Variants in NXPH1 observed in about 807,000 individuals in gnomAD.
NXPH1 encodes the protein neurexophilin 1.
Under a neutral mutation model 23.7 loss-of-function variants are expected in NXPH1, and 5 were observed. That is an observed-to-expected ratio of 0.21 (90% CI 0.11 to 0.44). NXPH1 has a LOEUF of 0.44. NXPH1 is among the 20% of genes least tolerant of loss of function. The pLI is 0.99. For synonymous variants in NXPH1, 144 were observed against 122.2 expected, an observed-to-expected ratio of 1.18 and a Z score of -1.18; for missense variants, 324 against 321.6, an observed-to-expected ratio of 1.01 and a Z score of -0.06.
intron 2 of NXPH1, among the ~76,000 whole-genome samples, chr7:8,650,945 T>C (rs1401795230): frequency 6.6e-6 from 1 of 152,130 alleles, no homozygotes; most frequent in African/African-American, 2.4e-5. Context: ...AAAGATGGGA[T>C]TTCATTTGAG....
At chr7:8,693,477 C>T (rs1340846402) in intron 2 of NXPH1, among the ~76,000 whole-genome samples, 1 of 152,194 alleles carries the variant, frequency 6.6e-6, no homozygotes, top group Admixed American at 6.5e-5. Context: ...CTGTATTTGA[C>T]TCTAACTCCT....
chr7:8,565,812 T>G (rs1391848777), intron 2 of NXPH1, among the ~76,000 whole-genome samples: 2 of 151,832 alleles, frequency 1.3e-5, no homozygotes, highest in African/African-American at 2.4e-5. Flanking sequence ...TACAGTGGGT[T>G]TGGCTTTCTA....
chr7:8,639,304 G>A (rs1029091617), intron 2 of NXPH1, among the ~76,000 whole-genome samples: 3 of 152,084 alleles, frequency 2.0e-5, no homozygotes, highest in African/African-American at 7.2e-5. Flanking sequence ...TGGGCAAATG[G>A]AGATACAAGG....
At chr7:8,526,234 A>T (rs1239423035) in intron 2 of NXPH1, among the ~76,000 whole-genome samples, 1 of 152,210 alleles carries the variant, frequency 6.6e-6, no homozygotes, top group Admixed American at 6.5e-5. Context: ...TTGGACTTGC[A>T]TGGGCCCTGT....
At chr7:8,520,908 T>C (rs1176321610) in intron 2 of NXPH1, among the ~76,000 whole-genome samples, 1 of 152,186 alleles carries the variant, frequency 6.6e-6, no homozygotes, top group African/African-American at 2.4e-5. Flanking sequence ...TTCAAAGTTG[T>C]GGCATTCACA....
At chr7:8,576,136 C>A (rs1818750604) in intron 2 of NXPH1, among the ~76,000 whole-genome samples, 1 of 152,110 alleles carries the variant, frequency 6.6e-6, no homozygotes. Context: ...TATTTGCTTT[C>A]TTTTTCTTAA....
At chr7:8,637,504 T>G (rs936497083) in intron 2 of NXPH1, among the ~76,000 whole-genome samples, 3 of 152,148 alleles carry the variant, frequency 2.0e-5, no homozygotes, top group Non-Finnish European at 2.9e-5. Context: ...GGATTACAGG[T>G]GTCAGCTACC....
At chr7:8,436,820 C>T (rs1816204099) in intron 2 of NXPH1, among the ~76,000 whole-genome samples, 1 of 152,248 alleles carries the variant, frequency 6.6e-6, no homozygotes, top group Non-Finnish European at 1.5e-5. Flanking sequence ...GTGATACTGG[C>T]GCTCCTCAAT....
intron 2 of NXPH1, among the ~76,000 whole-genome samples, chr7:8,480,817 C>G (rs1042656117): frequency 6.6e-6 from 1 of 152,136 alleles, no homozygotes; most frequent in African/African-American, 2.4e-5. Flanking sequence ...ACCAAGCAAT[C>G]CTGGAAATTA....
intron 2 of NXPH1, among the ~76,000 whole-genome samples, chr7:8,663,616 A>C (rs1291070276): frequency 6.6e-6 from 1 of 152,130 alleles, no homozygotes; most frequent in Non-Finnish European, 1.5e-5. Flanking sequence ...CAAAATATAA[A>C]GATATCCCCT....
chr7:8,631,831 C>T (rs1346630010), intron 2 of NXPH1, among the ~76,000 whole-genome samples: 3 of 152,012 alleles, frequency 2.0e-5, no homozygotes, highest in Admixed American at 6.6e-5. Context: ...CAAGTTATAC[C>T]TTAGAAGTGT....
At chr7:8,569,754 A>G (rs1051619705) in intron 2 of NXPH1, among the ~76,000 whole-genome samples, 21 of 151,894 alleles carry the variant, frequency 1.4e-4, no homozygotes, top group African/African-American at 4.8e-4. Context: ...ACCACAACTC[A>G]GGTTTGACTT....
chr7:8,544,830 A>G (rs1239273071), intron 2 of NXPH1, among the ~76,000 whole-genome samples: 1 of 151,662 alleles, frequency 6.6e-6, no homozygotes, highest in Non-Finnish European at 1.5e-5. Context: ...AAGAAAAATT[A>G]TGTAGCTATA....
At position 8,752,558 on chromosome 7, in the gene NXPH1, A is replaced by G. The variant is rs1221903226; in HGVS notation, c.*789A>G. ...CTGCTTAAAATAAGTTCTGATCATT[A>G]TATAAGAAGGGAAATGCCTGGCAGA... On this transcript the variant is annotated 3_prime_UTR_variant, in exon 3 of 3. Coordinates refer to ENST00000405863, the MANE Select transcript of NXPH1 (RefSeq NM_152745.3). 2 of 152,716 alleles carry G rather than the reference A, an allele frequency of 1.3e-5. No individual in the cohort carries two copies. Among genetic ancestry groups the G allele is most frequent in the East Asian group, 3.9e-4 (2 of 5,152 alleles). The allele number at this position is 152,716 out of a possible 1,614,324, so 9.5% of individuals were successfully genotyped here.
At chr7:8,561,424 C>A (rs1818444089) in intron 2 of NXPH1, among the ~76,000 whole-genome samples, 1 of 151,214 alleles carries the variant, frequency 6.6e-6, no homozygotes, top group African/African-American at 2.4e-5. Context: ...CTCCCTCCTT[C>A]CCTCCTCTGG....
At chr7:8,550,937 TA>T (rs1472276711) in intron 2 of NXPH1, among the ~76,000 whole-genome samples, 1 of 151,566 alleles carries the variant, frequency 6.6e-6, no homozygotes, top group African/African-American at 2.4e-5. Context: ...GAACAACACA[TA>T]TTTTTATACT....
intron 2 of NXPH1, among the ~76,000 whole-genome samples, chr7:8,499,825 T>C (rs1466696896): frequency 6.6e-6 from 1 of 152,006 alleles, no homozygotes; most frequent in Non-Finnish European, 1.5e-5. Context: ...GCCATGGCTT[T>C]CCATAGAACC....
intron 2 of NXPH1, among the ~76,000 whole-genome samples, chr7:8,747,326 G>C (rs1780487812): frequency 6.6e-6 from 1 of 152,170 alleles, no homozygotes; most frequent in African/African-American, 2.4e-5. Context: ...TCAGAGGTTT[G>C]TCTGTCAGAG....
intron 2 of NXPH1, among the ~76,000 whole-genome samples, chr7:8,694,090 G>C (rs556073214): frequency 4.9e-4 from 74 of 152,278 alleles, no homozygotes; most frequent in African/African-American, 1.7e-3. Context: ...GAATCCACTG[G>C]CAAGCCCTGA....
Sources: allele counts gnomAD v4.1 joint callset (sites outside exome capture counted in the v4.1 genomes callset), GRCh38; gene constraint gnomAD v4.1.1; transcripts MANE v1.5; gene names NCBI Gene and HGNC (gene_info 2026-07-23, HGNC 2026-07-21).